Variants in DNAJC24 observed in about 807,000 individuals in gnomAD.
The protein encoded by DNAJC24 is DnaJ heat shock protein family (Hsp40) member C24.
A neutral mutation model predicts 18.0 loss-of-function variants in DNAJC24; 17 were observed. The ratio of observed to expected loss-of-function variants is 0.94; its 90% CI spans 0.65 to 1.42. The LOEUF (loss-of-function observed/expected upper bound fraction) is 1.42. DNAJC24 is among the 40% of genes most tolerant of loss of function. The pLI, the probability that DNAJC24 is intolerant of heterozygous loss-of-function variation, is 0.00. For missense variants in DNAJC24, 158 were observed against 175.6 expected, an observed-to-expected ratio of 0.90 and a Z score of 0.57; for synonymous variants, 55 against 57.7, an observed-to-expected ratio of 0.95 and a Z score of 0.21.
intron 2 of DNAJC24, among the ~76,000 whole-genome samples, chr11:31,413,637 T>C (rs1332042177): frequency 6.6e-6 from 1 of 152,114 alleles, no homozygotes; most frequent in East Asian, 1.9e-4. Flanking sequence ...CGGCCATAAA[T>C]ACTATCTTTT....
At position 31,430,281 on chromosome 11, in the gene DNAJC24, T is replaced by C. The variant is rs1040730645; in HGVS notation, c.330T>C (p.Ser110=). ...TGTTTTCTTTTGCAGGTGATCACTC[T>C]TTTTATCTGAGTTGCAGATGTGGTG... ...EEMSWNEGDH[S]FYLSCRCGGK... is the part of the protein sequence containing the mutation. The change falls in exon 5 of 5, where the codon TCT becomes TCC. Residue 110 remains serine (S), a synonymous_variant. Coordinates refer to ENST00000465995, the MANE Select transcript of DNAJC24 (RefSeq NM_181706.5). 8 of 1,607,104 alleles carry C rather than the reference T, an allele frequency of 5.0e-6. No individual in the cohort carries two copies. The African/African-American group carries it at 6.7e-5, about 13-fold the overall frequency.
In DNAJC24 at chr11:31,385,783, G is replaced by A. The variant is rs368220165; in HGVS notation, c.111+14924G>A. Among the ~76,000 whole-genome samples the A allele has an allele frequency of 7.2e-5, 11 of 152,102 alleles. No homozygotes were observed. The South Asian group carries it at 1.2e-3, about 17-fold the overall frequency. On this transcript the variant is annotated intron_variant, in intron 2 of 4. Coordinates refer to ENST00000465995, the MANE Select transcript of DNAJC24 (RefSeq NM_181706.5). ...GCAAGATGGCCGAATAGAAGCCTCC[G>A]GTGGTCATCCCCTCTGCAGGAACAT...
chr11:31,415,090 T>C, intron 3 of DNAJC24, 141 bp downstream of exon 3: 3 of 876,194 alleles, frequency 3.4e-6, no homozygotes, highest in South Asian at 3.7e-5. Flanking sequence ...CTGTTTTTAA[T>C]TATGCCCTAT....
At chr11:31,377,992 A>G (rs1174995478) in intron 2 of DNAJC24, among the ~76,000 whole-genome samples, 1 of 152,102 alleles carries the variant, frequency 6.6e-6, no homozygotes, top group Non-Finnish European at 1.5e-5. Flanking sequence ...TTATATATAG[A>G]TTAGCTTTAA....
intron 2 of DNAJC24, among the ~76,000 whole-genome samples, chr11:31,385,382 A>C (rs917841473): frequency 6.6e-6 from 1 of 152,202 alleles, no homozygotes; most frequent in South Asian, 2.1e-4. Context: ...TGACTTTTCA[A>C]TGAATGCCAT....
At chr11:31,427,302 CT>C (rs1168041022) in intron 4 of DNAJC24, 1 of 152,086 alleles carries the variant, frequency 6.6e-6, no homozygotes, top group Non-Finnish European at 1.5e-5. Context: ...GGAATCATGT[CT>C]TTGCCTCTGG....
chr11:31,388,942 TTAAAA>T (rs1952459219), intron 2 of DNAJC24, among the ~76,000 whole-genome samples: 1 of 152,128 alleles, frequency 6.6e-6, no homozygotes. Context: ...TGTCATCAGT[TTAAAA>T]TAATAGGTTG....
At chr11:31,427,439 GA>G (rs1376372778) in intron 4 of DNAJC24, 1 of 151,842 alleles carries the variant, frequency 6.6e-6, no homozygotes, top group East Asian at 1.9e-4. Flanking sequence ...TAAACACGAA[GA>G]AATACTGTGA....
intron 2 of DNAJC24, chr11:31,385,130 C>T (rs1202502768): frequency 6.6e-6 from 1 of 152,082 alleles, no homozygotes; most frequent in East Asian, 1.9e-4. Flanking sequence ...ACAAATTATT[C>T]TAGATTCTTC....
chr11:31,380,616 T>C (rs1451050), intron 2 of DNAJC24, among the ~76,000 whole-genome samples: 3,116 of 152,294 alleles, frequency 0.02, 96 homozygotes, highest in African/African-American at 0.07. Context: ...TCGAACTTTA[T>C]TATGTTTCTT....
At chr11:31,376,896 T>A (rs1249672762) in intron 2 of DNAJC24, among the ~76,000 whole-genome samples, 1 of 152,168 alleles carries the variant, frequency 6.6e-6, no homozygotes, top group Admixed American at 6.5e-5. Flanking sequence ...GTTTTCTTAC[T>A]CTTTTTGCAT....
At chr11:31,418,897 A>G (rs1001290910) in intron 3 of DNAJC24, among the ~76,000 whole-genome samples, 20 of 152,122 alleles carry the variant, frequency 1.3e-4, no homozygotes, top group Admixed American at 1.2e-3. Flanking sequence ...GATAAATGGA[A>G]CGAAATATAA....
chr11:31,393,307 C>T (rs530534787), intron 2 of DNAJC24, among the ~76,000 whole-genome samples: 1 of 152,190 alleles, frequency 6.6e-6, no homozygotes, highest in East Asian at 1.9e-4. Flanking sequence ...ACATAGGAGC[C>T]TTATATGCAG....
At chr11:31,413,624 A>G (rs539982716) in intron 2 of DNAJC24, among the ~76,000 whole-genome samples, 53 of 152,122 alleles carry the variant, frequency 3.5e-4, no homozygotes, top group East Asian at 2.9e-3. Context: ...GAGCCACTGC[A>G]CCCGGCCATA....
intron 2 of DNAJC24, among the ~76,000 whole-genome samples, chr11:31,413,717 A>G (rs978524173): frequency 6.6e-6 from 1 of 152,178 alleles, no homozygotes; most frequent in Non-Finnish European, 1.5e-5. Flanking sequence ...AGCAAATACT[A>G]TTCTGATATT....
rs556453671 is a variant in DNAJC24 at position 31,423,113 on chromosome 11, A to T, written c.251-3174A>T. Among the ~76,000 whole-genome samples, 13 of 152,282 alleles carry T rather than the reference A, an allele frequency of 8.5e-5. No homozygotes were observed. The South Asian group carries it at 2.7e-3, about 32-fold the overall frequency. On this transcript the variant is annotated intron_variant, in intron 3 of 4. Transcript: ENST00000465995. ...TCCTTTTATTTGCTTATTTCTATTT[A>T]AAAATGTAGCCACTTAAGAGTCTCA...
At chr11:31,379,743 A>G (rs1280384915) in intron 2 of DNAJC24, among the ~76,000 whole-genome samples, 1 of 152,064 alleles carries the variant, frequency 6.6e-6, no homozygotes, top group Non-Finnish European at 1.5e-5. Context: ...TTTTACAGAC[A>G]GTGAAAGAAA....
chr11:31,390,395 CAAAAAA>C (rs370680501), intron 2 of DNAJC24, among the ~76,000 whole-genome samples: 70 of 48,570 alleles, frequency 1.4e-3, no homozygotes, highest in Admixed American at 5.8e-3. Flanking sequence ...GACTCTATCT[CAAAAAA>C]AAAAAAAAAA....
chr11:31,394,705 A>G (rs1952528679), intron 2 of DNAJC24, among the ~76,000 whole-genome samples: 1 of 152,120 alleles, frequency 6.6e-6, no homozygotes, highest in Non-Finnish European at 1.5e-5. Flanking sequence ...ATAATTATCA[A>G]ATACAATTTA....
Sources: allele counts gnomAD v4.1 joint callset (sites outside exome capture counted in the v4.1 genomes callset), GRCh38; gene constraint gnomAD v4.1.1; transcripts MANE v1.5; gene names NCBI Gene and HGNC (gene_info 2026-07-23, HGNC 2026-07-21).